The following CCSER1 variants were observed in gnomAD, a reference collection of about 807,000 sequenced individuals.
CCSER1 encodes serine-rich coiled-coil domain-containing protein 1.
Under a neutral mutation model 82.0 loss-of-function variants are expected in CCSER1, and 41 were observed. The observed-to-expected ratio is 0.50, with a 90% CI of 0.39 to 0.65. CCSER1 has a LOEUF of 0.65. Among genes scored for constraint, CCSER1 ranks in the 30% least tolerant of loss-of-function variants. CCSER1 has a pLI of 0.00. For synonymous variants in CCSER1, 414 were observed against 383.9 expected, an observed-to-expected ratio of 1.08 and a Z score of -0.92; for missense variants, 1,119 against 1,064.2, an observed-to-expected ratio of 1.05 and a Z score of -0.72.
At chr4:90,163,632 CAA>C (rs983899881) in intron 1 of CCSER1, among the ~76,000 whole-genome samples, 74 of 152,070 alleles carry the variant, frequency 4.9e-4, no homozygotes, top group African/African-American at 1.7e-3. Context: ...ACAACAATGA[CAA>C]GAGGTATTTT....
chr4:90,943,335 C>T (rs1273610054), intron 9 of CCSER1, among the ~76,000 whole-genome samples: 3 of 152,084 alleles, frequency 2.0e-5, no homozygotes, highest in Admixed American at 1.3e-4. Flanking sequence ...ATTTCTAGTA[C>T]AATTTTTATA....
chr4:91,052,968 A>T (rs577175360), intron 9 of CCSER1, among the ~76,000 whole-genome samples: 4 of 152,054 alleles, frequency 2.6e-5, no homozygotes, highest in Non-Finnish European at 5.9e-5. Context: ...TGGTTGAGCT[A>T]TGTAGGTGTT....
chr4:90,494,211 C>A (rs917942489), intron 5 of CCSER1, among the ~76,000 whole-genome samples: 8 of 152,162 alleles, frequency 5.3e-5, no homozygotes, highest in Admixed American at 2.6e-4. Flanking sequence ...ACAAGAAGAG[C>A]TAACTATCCT....
At chr4:90,887,588 T>A (rs547658295) in intron 8 of CCSER1, among the ~76,000 whole-genome samples, 1 of 152,202 alleles carries the variant, frequency 6.6e-6, no homozygotes, top group South Asian at 2.1e-4. Flanking sequence ...ATCTAATTTT[T>A]AAAAAACCAC....
At chr4:91,456,498 G>GT (rs1339639339) in intron 10 of CCSER1, among the ~76,000 whole-genome samples, 1 of 152,016 alleles carries the variant, frequency 6.6e-6, no homozygotes, top group Non-Finnish European at 1.5e-5. Flanking sequence ...TTAAATGCTT[G>GT]TTATGCACTT....
chr4:91,464,735 A>G (rs1560692731), intron 10 of CCSER1, among the ~76,000 whole-genome samples: 1 of 152,204 alleles, frequency 6.6e-6, no homozygotes, highest in Non-Finnish European at 1.5e-5. Context: ...CTTTAAACCA[A>G]CAAAGATCAA....
intron 9 of CCSER1, among the ~76,000 whole-genome samples, chr4:90,975,974 C>T (rs1443155900): frequency 1.3e-5 from 2 of 151,196 alleles, no homozygotes; most frequent in Non-Finnish European, 3.0e-5. Context: ...ATGTCTAAAT[C>T]TAATTTTGCC....
chr4:90,399,875 G>C (rs1752559678), intron 3 of CCSER1, among the ~76,000 whole-genome samples, 161 bp from the exon 4 acceptor site: 1 of 152,094 alleles, frequency 6.6e-6, no homozygotes, highest in Admixed American at 6.6e-5. Context: ...TTATTGGACT[G>C]ATAATTTTAA....
chr4:90,277,025 A>G (rs2153458175), intron 1 of CCSER1, among the ~76,000 whole-genome samples: 1 of 152,114 alleles, frequency 6.6e-6, no homozygotes, highest in East Asian at 1.9e-4. Flanking sequence ...TTTTCTAGGT[A>G]TAGAATCATA....
chr4:91,195,492 C>G (rs866246237), intron 10 of CCSER1, among the ~76,000 whole-genome samples: 1 of 152,086 alleles, frequency 6.6e-6, no homozygotes, highest in Non-Finnish European at 1.5e-5. Context: ...ATTACAGAAC[C>G]TTCCTCAGGG....
chr4:91,343,904 A>C (rs535847432), intron 10 of CCSER1, among the ~76,000 whole-genome samples: 4 of 152,198 alleles, frequency 2.6e-5, no homozygotes, highest in African/African-American at 9.7e-5. Context: ...CATATATGTA[A>C]GTTAAAATTT....
chr4:90,827,350 G>T (rs1445067462), intron 8 of CCSER1, among the ~76,000 whole-genome samples: 1 of 152,136 alleles, frequency 6.6e-6, no homozygotes, highest in African/African-American at 2.4e-5. Flanking sequence ...GATACCACTG[G>T]TTTCAACTGG....
chr4:91,028,538 G>A (rs1418334918), intron 9 of CCSER1, among the ~76,000 whole-genome samples: 3 of 151,942 alleles, frequency 2.0e-5, no homozygotes, highest in Non-Finnish European at 4.4e-5. Context: ...ACATTGATAT[G>A]TAATACTTAC....
At chr4:90,141,740 C>T (rs1435996357) in intron 1 of CCSER1, among the ~76,000 whole-genome samples, 1 of 152,134 alleles carries the variant, frequency 6.6e-6, no homozygotes, top group Non-Finnish European at 1.5e-5. Flanking sequence ...TGTCATTTTA[C>T]CCATGAGCAA....
At chr4:91,355,808 G>A (rs1478970852) in intron 10 of CCSER1, among the ~76,000 whole-genome samples, 1 of 152,190 alleles carries the variant, frequency 6.6e-6, no homozygotes, top group African/African-American at 2.4e-5. Flanking sequence ...CTACTGATGT[G>A]TAAGGGTGGT....
chr4:90,749,544 CTTTAAAGTAGT>C (rs1561067463), intron 7 of CCSER1, among the ~76,000 whole-genome samples: 1 of 151,980 alleles, frequency 6.6e-6, no homozygotes, highest in Non-Finnish European at 1.5e-5. Flanking sequence ...TCCATATGAA[CTTTAAAGTAGT>C]TTTTTCCAAT....
intron 5 of CCSER1, among the ~76,000 whole-genome samples, chr4:90,516,995 G>A (rs754894349): frequency 2.6e-4 from 39 of 152,060 alleles, no homozygotes; most frequent in Non-Finnish European, 4.9e-4. Flanking sequence ...CTCAACTTAC[G>A]ATGGGGTTAC....
At chr4:91,312,721 A>T (rs1300547463) in intron 10 of CCSER1, among the ~76,000 whole-genome samples, 1 of 151,872 alleles carries the variant, frequency 6.6e-6, no homozygotes, top group Non-Finnish European at 1.5e-5. Flanking sequence ...TGTAAGTCGA[A>T]ATTTCTTAAT....
At chr4:91,407,384 C>T (rs190084623) in intron 10 of CCSER1, among the ~76,000 whole-genome samples, 142 of 152,156 alleles carry the variant, frequency 9.3e-4, no homozygotes, top group African/African-American at 3.1e-3. Flanking sequence ...ATCCTGTACC[C>T]GGGGTTGAAA....
Sources: gnomAD v4.1 joint callset for allele counts (sites outside exome capture counted in the v4.1 genomes callset) on GRCh38, gnomAD v4.1.1 for gene constraint, MANE v1.5 for transcripts, NCBI Gene and HGNC (gene_info 2026-07-23, HGNC 2026-07-21) for gene names.